Variants in SSB observed in about 807,000 individuals in gnomAD.
SSB encodes small RNA binding exonuclease protection factor La.
Under a neutral mutation model 52.9 loss-of-function variants are expected in SSB, and 17 were observed. The ratio of observed to expected loss-of-function variants is 0.32; its 90% confidence interval spans 0.22 to 0.48. The LOEUF (loss-of-function observed/expected upper bound fraction) is 0.48, where lower values mean the gene tolerates loss of function less well. Among genes scored for constraint, SSB ranks in the 20% least tolerant of loss-of-function variants. The probability of loss-of-function intolerance (pLI) is 0.99; values close to 1 mark genes in which losing one functional copy is unlikely to be tolerated. For synonymous variants in SSB, 111 were observed against 152.1 expected (o/e 0.73, Z 1.99); for missense variants, 314 against 463.6 (o/e 0.68, Z 2.96).
At chr2:169,801,165 T>A in intron 2 of SSB, 139 bp downstream of exon 2, 1 of 564,570 alleles carries the variant, frequency 1.8e-6, no homozygotes, top group East Asian at 3.2e-5. Flanking sequence ...AGCATACAGT[T>A]TTATATTGGT....
At chr2:169,800,599 T>C (rs1689693349) in intron 1 of SSB, among the ~76,000 whole-genome samples, 1 of 149,140 alleles carries the variant, frequency 6.7e-6, no homozygotes, top group African/African-American at 2.5e-5. Context: ...CATGGTAATA[T>C]ACAGATAGAT....
At chr2:169,806,395 G>C (rs1156554191) in intron 4 of SSB, among the ~76,000 whole-genome samples, 2 of 152,120 alleles carry the variant, frequency 1.3e-5, no homozygotes, top group African/African-American at 4.8e-5. Flanking sequence ...CCTATTAGCT[G>C]TTCTTATTTA....
intron 2 of SSB, among the ~76,000 whole-genome samples, chr2:169,801,814 G>A (rs1167694670): frequency 6.6e-6 from 1 of 152,146 alleles, no homozygotes; most frequent in Non-Finnish European, 1.5e-5. Flanking sequence ...GATTACAGGT[G>A]TGAGCCACTG....
chr2:169,808,649 T>A lies in SSB; in HGVS notation c.626+96T>A. The A allele has an allele frequency of 2.5e-6, 3 of 1,207,464 alleles. No homozygotes were observed. In the South Asian group the frequency reaches 4.1e-5, roughly 16 times the overall value. 74.8% of individuals were successfully genotyped at this position (1,207,464 alleles called of 1,614,324 possible). A position where few individuals can be genotyped will look rare whatever the true frequency, so the allele number is the denominator to read the frequency against. ...CTCTGAAATAGTGGCAGTAGACCTT[T>A]CTCTTTGCTAGTGAAACACTGAGAT... is the stretch of plus-strand genomic sequence containing the variant. On this transcript the variant is annotated intron_variant, in intron 7 of 11. Coordinates refer to ENST00000260956, the MANE Select transcript of SSB (RefSeq NM_003142.5).
chr2:169,805,552 T>G lies in SSB; in HGVS notation c.145T>G (p.Leu49Val). ...AAAACTGGATGAAGGCTGGGTACCT[T>G]TGGAGATAATGATAAAATTCAACAG... is the stretch of plus-strand genomic sequence containing the variant. ...QIKLDEGWVP[L>V]EIMIKFNRLN... The change falls in exon 3 of 12, where the codon TTG becomes GTG. Residue 49 changes from leucine to valine, a missense_variant. Coordinates refer to ENST00000260956, the MANE Select transcript of SSB (RefSeq NM_003142.5). 1.2e-6 allele frequency: 2 copies of G among 1,613,902 alleles called. No homozygotes were observed. The highest frequency in any genetic ancestry group is 1.7e-5 in the Admixed American group (1 of 59,996).
intron 6 of SSB, among the ~76,000 whole-genome samples, chr2:169,807,597 C>T (rs1259503336): frequency 6.6e-6 from 1 of 152,052 alleles, no homozygotes; most frequent in African/African-American, 2.4e-5. Context: ...CCACTGTTAG[C>T]CATTATTAAA....
chr2:169,808,751 T>C, intron 7 of SSB, 109 bp from the exon 8 acceptor site: 1 of 1,098,768 alleles, frequency 9.1e-7, no homozygotes. Flanking sequence ...CCTAAGGACT[T>C]CTGGCTTTGG....
At chr2:169,800,290 G>C (rs1689680928) in intron 1 of SSB, among the ~76,000 whole-genome samples, 1 of 152,126 alleles carries the variant, frequency 6.6e-6, no homozygotes. Flanking sequence ...CAGCACTTTG[G>C]GAGGCCGAGG....
intron 6 of SSB, among the ~76,000 whole-genome samples, chr2:169,807,297 T>C (rs573158336): frequency 6.7e-6 from 1 of 149,552 alleles, no homozygotes; most frequent in South Asian, 2.1e-4. Flanking sequence ...TTTCTTTTTC[T>C]TTTTTTTTTG....
intron 1 of SSB, among the ~76,000 whole-genome samples, chr2:169,800,004 A>T (rs959047703): frequency 4.6e-5 from 7 of 152,110 alleles, no homozygotes; most frequent in Non-Finnish European, 1.0e-4. Flanking sequence ...TCCTTTTTTC[A>T]TTGCAGTGCT....
chr2:169,808,378 C>G, intron 6 of SSB, 104 bp from the exon 7 acceptor site: 1 of 786,170 alleles, frequency 1.3e-6, no homozygotes, highest in Non-Finnish European at 2.1e-6. Flanking sequence ...TGATAGTAAG[C>G]GTGTGCAACA....
chr2:169,802,067 C>A (rs1346145871), intron 2 of SSB, among the ~76,000 whole-genome samples: 1 of 151,936 alleles, frequency 6.6e-6, no homozygotes, highest in African/African-American at 2.4e-5. Flanking sequence ...TACCTGTAGT[C>A]CTAGCTACTT....
intron 2 of SSB, among the ~76,000 whole-genome samples, chr2:169,803,304 C>T (rs1689749450): frequency 6.6e-6 from 1 of 152,142 alleles, no homozygotes; most frequent in South Asian, 2.1e-4. Context: ...GTCTCCCAGG[C>T]TGGAGTGCAG....
chr2:169,804,242 T>C (rs1689775771), intron 2 of SSB, among the ~76,000 whole-genome samples: 4 of 142,938 alleles, frequency 2.8e-5, no homozygotes, highest in Admixed American at 2.8e-4. Flanking sequence ...TACTTTAACT[T>C]TTTTTTTTTT....
At chr2:169,810,664 A>G in intron 9 of SSB, 194 bp from the exon 10 acceptor site, 1 of 663,456 alleles carries the variant, frequency 1.5e-6, no homozygotes, top group Non-Finnish European at 2.5e-6. Flanking sequence ...TCTGAATTAT[A>G]CTATGAATAA....
intron 2 of SSB, 29 bp downstream of exon 2, chr2:169,801,055 A>T: frequency 6.5e-7 from 1 of 1,530,156 alleles, no homozygotes; most frequent in South Asian, 1.3e-5. Flanking sequence ...AAACTGCAAA[A>T]ACAAGTTCCT....
At chr2:169,803,986 G>A (rs543455192) in intron 2 of SSB, among the ~76,000 whole-genome samples, 4 of 152,250 alleles carry the variant, frequency 2.6e-5, no homozygotes, top group African/African-American at 7.2e-5. Context: ...AAATTGACCC[G>A]CCTCAGCCTC....
chr2:169,801,005 C>A lies in SSB; in HGVS notation c.45C>A (p.Ala15=). ...ATGAAAAGATGGCTGCCCTGGAGGC[C>A]AAAATCTGTCATCAAATTGAGGTAT... ...GDNEKMAALE[A]KICHQIEYYF... is the part of the protein sequence containing the mutation. Residue 15 remains alanine, a synonymous_variant, in exon 2 of 12, where the codon GCC becomes GCA. Transcript: ENST00000260956. The A allele has an allele frequency of 6.3e-7, 1 of 1,598,954 alleles. No homozygotes were observed. The highest frequency in any genetic ancestry group is 8.5e-7 in the Non-Finnish European group (1 of 1,174,272).
chr2:169,802,123 T>C (rs1454475322), intron 2 of SSB, among the ~76,000 whole-genome samples: 1 of 152,052 alleles, frequency 6.6e-6, no homozygotes, highest in Non-Finnish European at 1.5e-5. Flanking sequence ...AGGTAGAGGC[T>C]GCAGTGGCTG....
Sources: gnomAD v4.1 joint callset for allele counts (sites outside exome capture counted in the v4.1 genomes callset) on GRCh38, gnomAD v4.1.1 for gene constraint, MANE v1.5 for transcripts, NCBI Gene and HGNC (gene_info 2026-07-23, HGNC 2026-07-21) for gene names.